GANAB: variants seen among roughly 807,000 people sequenced by gnomAD.
GANAB encodes neutral alpha-glucosidase AB.
A neutral mutation model predicts 129.9 loss-of-function variants in GANAB; 35 were observed. That is an observed-to-expected ratio of 0.27 (90% CI 0.21 to 0.36). The LOEUF (loss-of-function observed/expected upper bound fraction) is 0.36. GANAB is among the 10% of genes least tolerant of loss of function. The pLI is 1.00. For synonymous variants in GANAB, 482 were observed against 451.8 expected, an observed-to-expected ratio of 1.07 and a Z score of -0.85; for missense variants, 939 against 1,221.0, an observed-to-expected ratio of 0.77 and a Z score of 3.44.
intron 15 of GANAB, 92 bp from the exon 16 acceptor site, chr11:62,629,387 A>G (rs1428496889): frequency 1.0e-6 from 1 of 955,080 alleles, no homozygotes; most frequent in Non-Finnish European, 1.7e-6. Context: ...GGGTCCCCAG[A>G]ACCCTGCTGA....
chr11:62,630,921 G>A lies in GANAB; in HGVS notation c.1151-85C>T, dbSNP rs1018599777. The A allele has an allele frequency of 2.0e-6, 3 of 1,481,088 alleles. No individual in the cohort carries two copies. The African/African-American group carries it at 4.2e-5, about 21-fold the overall frequency. The allele number at this position is 1,481,088 out of a possible 1,614,324, so 91.7% of individuals were successfully genotyped here. A position where few individuals can be genotyped will look rare whatever the true frequency, so the allele number is the denominator to read the frequency against. On this transcript the variant is annotated intron_variant, in intron 10 of 23. Coordinates refer to ENST00000356638, the MANE Select transcript of GANAB (RefSeq NM_198334.3). ...AGGGAGGCTTGTGAACTAGAGGCAG[G>A]CTGAGGGGTATAAACCTAGAAAACA...
rs763856232 is a variant in GANAB at position 62,626,600 on chromosome 11, T to G, written c.2482A>C (p.Ile828Leu). 7 of 1,611,142 alleles carry G rather than the reference T, an allele frequency of 4.3e-6. No homozygotes were observed. The South Asian group carries it at 5.5e-5, about 13-fold the overall frequency. The change falls in exon 21 of 24, where the codon ATC (isoleucine) becomes CTC (leucine). Residue 828 changes from isoleucine to leucine, a missense_variant. Physicochemically the swap from Ile to Leu is conservative, Grantham distance 5. Transcript: ENST00000356638. ...GGGCTAAGTGCAACAAAGAGAGTGATGGGGTCATCCTTCATACATTCTGAA... is the reference window on the plus strand; with the variant it reads ...GGGCTAAGTGCAACAAAGAGAGTGAGGGGGTCATCCTTCATACATTCTGAA... ...RSSECMKDDP[I>L]TLFVALSPQG...
intron 10 of GANAB, 31 bp from the exon 11 acceptor site, chr11:62,630,867 C>A (rs757297116): frequency 8.3e-6 from 13 of 1,570,972 alleles, no homozygotes; most frequent in Non-Finnish European, 1.1e-5. Flanking sequence ...GGGGTCACAA[C>A]GAGGATCAGG....
rs757819322 is a variant in GANAB, at chr11:62,625,570, G to A, written c.*245C>T. The A allele has an allele frequency of 2.0e-4, 106 of 539,834 alleles. No homozygotes were observed. Among genetic ancestry groups the A allele is most frequent in the Non-Finnish European group, 2.2e-4 (65 of 298,534 alleles). 33.4% of individuals were successfully genotyped at this position (539,834 alleles called of 1,614,324 possible). A position where few individuals can be genotyped will look rare whatever the true frequency, so the allele number is the denominator to read the frequency against. ...CGTAAGTGAATGTGCTCCAGTTAGA[G>A]CAACAGGATGTTGGGGGAATGAAGG... On this transcript the variant is annotated 3_prime_UTR_variant, in exon 24 of 24. Coordinates refer to ENST00000356638, the MANE Select transcript of GANAB (RefSeq NM_198334.3).
At position 62,627,939 on chromosome 11, in the gene GANAB, G is replaced by A. The variant is rs191250740; in HGVS notation, c.2181-586C>T. Among the ~76,000 whole-genome samples the A allele has an allele frequency of 2.8e-4, 42 of 152,282 alleles. 1 individual carries two copies. Among genetic ancestry groups the A allele is most frequent in the Admixed American group, 1.8e-3 (28 of 15,290 alleles). On this transcript the variant is annotated intron_variant, in intron 17 of 23. Coordinates refer to ENST00000356638, the MANE Select transcript of GANAB (RefSeq NM_198334.3). ...CAGTAGCCTCCTTGCATGTTTCACC[G>A]CCCTGGCTTACAACCCTGGGTTGCA...
At chr11:62,629,524 G>A (rs1254942057) in intron 15 of GANAB, 64 bp downstream of exon 15, 3 of 1,096,630 alleles carry the variant, frequency 2.7e-6, no homozygotes, top group Non-Finnish European at 4.0e-6. Flanking sequence ...GCAGGTCCAG[G>A]TCCATGGCTC....
chr11:62,639,925 C>A, intron 1 of GANAB, 194 bp from the exon 2 acceptor site: 1 of 568,450 alleles, frequency 1.8e-6, no homozygotes, highest in East Asian at 3.0e-5. Context: ...AGTTGGCTCA[C>A]TCACACCTTC....
chr11:62,646,469 G>T, intron 1 of GANAB, 93 bp downstream of exon 1: 1 of 1,400,248 alleles, frequency 7.1e-7, no homozygotes, highest in Non-Finnish European at 1.0e-6. Context: ...GCCGGGGGTG[G>T]CAGAGTGTCA....
intron 1 of GANAB, among the ~76,000 whole-genome samples, chr11:62,644,328 G>A (rs1258985548): frequency 2.0e-5 from 3 of 152,122 alleles, no homozygotes; most frequent in Non-Finnish European, 2.9e-5. Context: ...TCAAACTGGG[G>A]GTGGGAGGGT....
chr11:62,639,267 TG>T, intron 3 of GANAB, 91 bp downstream of exon 3: 1 of 1,269,184 alleles, frequency 7.9e-7, no homozygotes, highest in Middle Eastern at 2.0e-4. Flanking sequence ...AAGATTAGGC[TG>T]GGACAAGATG....
chr11:62,627,544 C>T (rs1943453440), intron 17 of GANAB, among the ~76,000 whole-genome samples, 191 bp from the exon 18 acceptor site: 1 of 152,050 alleles, frequency 6.6e-6, no homozygotes, highest in African/African-American at 2.4e-5. Context: ...TCAGCCTGAA[C>T]AACATGGTGA....
At chr11:62,627,235 C>T (rs941587240) in intron 18 of GANAB, 54 bp downstream of exon 18, 40 of 1,391,034 alleles carry the variant, frequency 2.9e-5, no homozygotes, top group African/African-American at 1.4e-4. Flanking sequence ...CCTGGGCATC[C>T]GCAGTGCTGC....
chr11:62,638,626 G>T (rs1408335410), intron 4 of GANAB, among the ~76,000 whole-genome samples: 3 of 148,730 alleles, frequency 2.0e-5, no homozygotes, highest in Admixed American at 6.8e-5. Flanking sequence ...AAGGAAGGAA[G>T]GAAGGAAGGA....
Position 62,625,734 on chromosome 11 carries a change from C to A in GANAB, c.*81G>T. ...TAGCATAAGTGAAGTCTGGGGAGGGCCGAACTCCAAGGCAGAAGAAAGAAT... is the reference window on the plus strand; with the variant it reads ...TAGCATAAGTGAAGTCTGGGGAGGGACGAACTCCAAGGCAGAAGAAAGAAT... On this transcript the variant is annotated 3_prime_UTR_variant, in exon 24 of 24. Coordinates refer to ENST00000356638, the MANE Select transcript of GANAB (RefSeq NM_198334.3). The A allele has an allele frequency of 1.1e-6, 1 of 910,410 alleles. No individual in the cohort carries two copies. The highest frequency in any genetic ancestry group is 1.8e-6 in the Non-Finnish European group (1 of 555,464). 56.4% of individuals were successfully genotyped at this position (910,410 alleles called of 1,614,324 possible).
Position 62,631,066 on chromosome 11 carries a change from T to G in GANAB, c.1114A>C (p.Ile372Leu). 2.5e-6 allele frequency: 4 copies of G among 1,610,734 alleles called. No individual in the cohort carries two copies. Among genetic ancestry groups the G allele is most frequent in the Non-Finnish European group, 3.4e-6 (4 of 1,177,142 alleles). Reference sequence around the variant, plus strand: ...GCATATTGCCGGAAAACATCAGAGATGGAGGGCCCCAGCAGCAGGAAGACG... The same window carrying G: ...GCATATTGCCGGAAAACATCAGAGAGGGAGGGCCCCAGCAGCAGGAAGACG... ...IDVFLLLGPS[I>L]SDVFRQYASL... The change falls in exon 10 of 24, where the codon ATC (isoleucine) becomes CTC (leucine). Residue 372 changes from isoleucine to leucine, a missense_variant. By Grantham distance (5) the Ile-to-Leu change is conservative. Coordinates refer to ENST00000356638, the MANE Select transcript of GANAB (RefSeq NM_198334.3).
chr11:62,639,957 T>C (rs1191000173), intron 1 of GANAB: 84 of 510,476 alleles, frequency 1.6e-4, no homozygotes, highest in East Asian at 2.1e-4. Context: ...CAGAGTAGGC[T>C]GGGCGTGGTG....
Position 62,634,354 on chromosome 11 carries a change from G to T in GANAB, c.560+467C>A, listed in dbSNP as rs746456148. The T allele has an allele frequency of 6.2e-6, 10 of 1,611,490 alleles. No individual in the cohort carries two copies. In the South Asian group the frequency reaches 9.9e-5, roughly 16 times the overall value. On this transcript the variant is annotated intron_variant, in intron 5 of 23. Coordinates refer to ENST00000356638, the MANE Select transcript of GANAB (RefSeq NM_198334.3). ...TCTTATCCCATATGCTACCAAGCGT[G>T]AGATTAACCTTATCCGAGAAACTGG...
Position 62,639,702 on chromosome 11 carries a change from A to C in GANAB, c.68T>G (p.Leu23Ter). Residue 23 changes from leucine (L) to a stop codon, truncating the protein, a stop_gained, in exon 2 of 24, where the codon TTA becomes TGA. Coordinates refer to ENST00000356638, the MANE Select transcript of GANAB (RefSeq NM_198334.3). LOFTEE classifies it high-confidence loss of function. ...AAGGGTAATCCCCAGGCAGACCCCTAAAAAAGCCAGTACCAAAGACGCCCA... is the reference window on the plus strand; with the variant it reads ...AAGGGTAATCCCCAGGCAGACCCCTCAAAAAGCCAGTACCAAAGACGCCCA... ...RSWASLVLAFLGVCLGITLAV... is the reference protein window; with the variant it reads ...RSWASLVLAF 6.2e-7 allele frequency: 1 copy of C among 1,613,500 alleles called. No individual in the cohort carries two copies. Among genetic ancestry groups the C allele is most frequent in the Non-Finnish European group, 8.5e-7 (1 of 1,179,464 alleles).
In GANAB at chr11:62,632,636, G is replaced by T. The variant is rs1063445; in HGVS notation, c.925C>A (p.Arg309Ser). The T allele has an allele frequency of 1.9e-6, 3 of 1,613,852 alleles. No individual in the cohort carries two copies. The African/African-American group carries it at 4.0e-5, about 22-fold the overall frequency. The change falls in exon 9 of 24, where the codon CGC becomes AGC. Residue 309 changes from arginine (R) to serine (S), a missense_variant. Physicochemically the swap from Arg to Ser is moderately radical, Grantham distance 110. This residue lies in a region of GANAB where 220 missense variants were observed against 295.9 expected (regional missense o/e 0.74). Coordinates refer to ENST00000356638, the MANE Select transcript of GANAB (RefSeq NM_198334.3). ...TTGAGCCAGAAGATGCCCAAGTCGC[G>T]ATGAGGGTTGTGTGCCAGGAGCACA... ...VPVLLAHNPH[R>S]DLGIFWLNAA...
Sources: gnomAD v4.1 joint callset for allele counts (sites outside exome capture counted in the v4.1 genomes callset) on GRCh38, gnomAD v4.1.1 for gene constraint, gnomAD v4.1.1 regional missense constraint, MANE v1.5 for transcripts, NCBI Gene and HGNC (gene_info 2026-07-23, HGNC 2026-07-21) for gene names.